The following CRYZL1 variants were observed in gnomAD, a reference collection of about 807,000 sequenced individuals.
CRYZL1 encodes crystallin zeta like 1.
CRYZL1 carries 34 observed loss-of-function variants against 50.6 expected under a neutral mutation model. That is an observed-to-expected ratio of 0.67 (90% CI 0.51 to 0.89). The LOEUF is 0.89. Ranked by LOEUF, CRYZL1 falls within the 40% of genes least tolerant of loss-of-function variation. The pLI is 0.00. For missense variants in CRYZL1, 354 were observed against 402.3 expected (o/e 0.88, Z 1.03); for synonymous variants, 125 against 134.3 (o/e 0.93, Z 0.48).
At chr21:33,601,024 C>T (rs1333106836) in intron 8 of CRYZL1, among the ~76,000 whole-genome samples, 2 of 149,098 alleles carry the variant, frequency 1.3e-5, no homozygotes, top group Non-Finnish European at 3.0e-5. Flanking sequence ...GCAACCTCCA[C>T]CTCCCAGGTT....
intron 1 of CRYZL1, 129 bp downstream of exon 1, chr21:33,641,552 C>T: frequency 2.5e-6 from 1 of 403,134 alleles, no homozygotes; most frequent in Non-Finnish European, 4.5e-6. Flanking sequence ...TGGGCCCGAA[C>T]AAGTCCCAGG....
chr21:33,603,847 G>A (rs1176874597), intron 6 of CRYZL1, among the ~76,000 whole-genome samples: 4 of 152,218 alleles, frequency 2.6e-5, no homozygotes, highest in Non-Finnish European at 5.9e-5. Context: ...CCATCCTGGT[G>A]GAGAGAGAGC....
chr21:33,607,468 T>G (rs117641308), intron 6 of CRYZL1, among the ~76,000 whole-genome samples: 2,050 of 151,812 alleles, frequency 0.014, 25 homozygotes, highest in Middle Eastern at 0.1. Flanking sequence ...GCAAGACAGT[T>G]TCTACAAAAA....
intron 1 of CRYZL1, among the ~76,000 whole-genome samples, chr21:33,637,204 T>TG (rs1397394337): frequency 6.6e-6 from 1 of 152,028 alleles, no homozygotes; most frequent in Non-Finnish European, 1.5e-5. Context: ...CCAGCATTTT[T>TG]GGAGGCCGAG....
intron 3 of CRYZL1, among the ~76,000 whole-genome samples, chr21:33,623,368 C>T (rs1159596454): frequency 6.6e-6 from 1 of 152,212 alleles, no homozygotes; most frequent in Admixed American, 6.5e-5. Context: ...ATTACCCACA[C>T]AGTTTTCATA....
At chr21:33,636,908 G>A (rs546133757) in intron 1 of CRYZL1, among the ~76,000 whole-genome samples, 2 of 152,228 alleles carry the variant, frequency 1.3e-5, no homozygotes, top group Admixed American at 1.3e-4. Context: ...CGGGGTTCAC[G>A]CCATTCTCCT....
intron 1 of CRYZL1, among the ~76,000 whole-genome samples, chr21:33,632,775 G>T (rs759765188): frequency 4.6e-5 from 7 of 152,140 alleles, no homozygotes; most frequent in Non-Finnish European, 8.8e-5. Context: ...AAATTTTACA[G>T]AAGTATAAAA....
At position 33,592,093 on chromosome 21, in the gene CRYZL1, T is replaced by G. The variant is rs566814049; in HGVS notation, c.905-886A>C. Among the ~76,000 whole-genome samples, 5 of 152,058 alleles carry G rather than the reference T, an allele frequency of 3.3e-5. No individual in the cohort carries two copies. The South Asian group carries it at 8.3e-4, about 25-fold the overall frequency. On this transcript the variant is annotated intron_variant, in intron 11 of 12. Transcript: ENST00000381554. ...ATGTAAATACTATGTAGATAGTGGT[T>G]ATGCTATTTTTTTTGTTTTTTTTAT...
intron 7 of CRYZL1, among the ~76,000 whole-genome samples, chr21:33,602,553 A>G (rs558458186): frequency 1.4e-4 from 22 of 152,348 alleles, no homozygotes; most frequent in Non-Finnish European, 3.2e-4. Flanking sequence ...GGGGTGGTGG[A>G]AAAGCTGCAT....
chr21:33,621,517 A>G (rs903707402), intron 4 of CRYZL1, among the ~76,000 whole-genome samples: 1 of 151,200 alleles, frequency 6.6e-6, no homozygotes, highest in African/African-American at 2.4e-5. Context: ...AATTTTTTGT[A>G]TTTTTAGTAG....
chr21:33,610,946 G>T (rs1295613641), intron 6 of CRYZL1, among the ~76,000 whole-genome samples: 2 of 151,858 alleles, frequency 1.3e-5, no homozygotes, highest in Non-Finnish European at 2.9e-5. Flanking sequence ...GGCCAGGCTG[G>T]TCTCGGACTC....
intron 12 of CRYZL1, among the ~76,000 whole-genome samples, 159 bp from the exon 13 acceptor site, chr21:33,590,080 C>A (rs997343829): frequency 2.6e-5 from 4 of 152,054 alleles, no homozygotes; most frequent in Non-Finnish European, 5.9e-5. Flanking sequence ...TGCAGTGGCA[C>A]GATCTCAGCT....
chr21:33,613,418 C>T lies in CRYZL1; in HGVS notation c.331+120G>A. 4.7e-6 allele frequency: 3 copies of T among 642,188 alleles called. 1 individual carries two copies. Among genetic ancestry groups the T allele is most frequent in the Middle Eastern group, 5.3e-4 (2 of 3,770 alleles). 39.8% of individuals were successfully genotyped at this position (642,188 alleles called of 1,614,324 possible). On this transcript the variant is annotated intron_variant, in intron 6 of 12. Transcript: ENST00000381554. Reference sequence around the variant, plus strand: ...CAACATTTTTTACATACATGACTGGCTAATGATACTTTATTAAGTACAACA... The same window carrying T: ...CAACATTTTTTACATACATGACTGGTTAATGATACTTTATTAAGTACAACA...
At chr21:33,610,003 CTTTT>C (rs35773163) in intron 6 of CRYZL1, among the ~76,000 whole-genome samples, 7 of 136,126 alleles carry the variant, frequency 5.1e-5, no homozygotes, top group African/African-American at 1.6e-4. Flanking sequence ...CATGCCTAGC[CTTTT>C]TTTTTTTTTT....
rs1460971785 is a variant in CRYZL1 at position 33,613,004 on chromosome 21, T to C, written c.331+534A>G. On this transcript the variant is annotated intron_variant, in intron 6 of 12. Coordinates refer to ENST00000381554, the MANE Select transcript of CRYZL1 (RefSeq NM_145858.3). ...ACACCCAGCTAATTTTTTTGTCTTT[T>C]CAGTAGAGACCAGGTTTTGCTATGT... is the stretch of plus-strand genomic sequence containing the variant. 3.9e-5 allele frequency among the ~76,000 whole-genome samples: 6 copies of C among 152,168 alleles called. No individual in the cohort carries two copies. In the East Asian group the frequency reaches 1.2e-3, roughly 30 times the overall value.
At chr21:33,596,162 T>G (rs142254596) in intron 10 of CRYZL1, 106 of 528,674 alleles carry the variant, frequency 2.0e-4, no homozygotes, top group African/African-American at 1.8e-3. Context: ...ATTACGGTAT[T>G]TGCATATCAG....
At chr21:33,608,593 T>C (rs572260910) in intron 6 of CRYZL1, among the ~76,000 whole-genome samples, 157 of 152,334 alleles carry the variant, frequency 1.0e-3, no homozygotes, top group African/African-American at 3.7e-3. Context: ...GAGTTTGTTT[T>C]AGATTCCACA....
Position 33,591,442 on chromosome 21 carries a change from G to A in CRYZL1, c.905-235C>T, listed in dbSNP as rs2086641768. On this transcript the variant is annotated intron_variant, in intron 11 of 12. Coordinates refer to ENST00000381554, the MANE Select transcript of CRYZL1 (RefSeq NM_145858.3). ...AAATTTCCAAGGACAAGTGACAAGA[G>A]CAGCAAGTCAAGCCTGGTGCTTATC... 5.3e-6 allele frequency: 3 copies of A among 567,606 alleles called. No homozygotes were observed. The South Asian group carries it at 6.7e-5, about 13-fold the overall frequency. 35.2% of individuals were successfully genotyped at this position (567,606 alleles called of 1,614,324 possible).
At chr21:33,608,404 G>A (rs1258087668) in intron 6 of CRYZL1, among the ~76,000 whole-genome samples, 3 of 152,148 alleles carry the variant, frequency 2.0e-5, no homozygotes, top group South Asian at 2.1e-4. Context: ...GCAGTGAGCC[G>A]AGATCACGCC....
Sources: allele counts gnomAD v4.1 joint callset (sites outside exome capture counted in the v4.1 genomes callset), GRCh38; gene constraint gnomAD v4.1.1; transcripts MANE v1.5; gene names NCBI Gene and HGNC (gene_info 2026-07-23, HGNC 2026-07-21).